CERS3: variants seen among roughly 807,000 people sequenced by gnomAD.
The protein encoded by CERS3 is ceramide synthase 3.
Under a neutral mutation model 50.3 loss-of-function variants are expected in CERS3, and 33 were observed. That is an observed-to-expected ratio of 0.66 (90% confidence interval 0.50 to 0.88). The LOEUF is 0.88. Ranked by LOEUF, CERS3 falls within the 40% of genes least tolerant of loss-of-function variation. The pLI, the probability that CERS3 is intolerant of heterozygous loss-of-function variation, is 0.00. For synonymous variants in CERS3, 176 were observed against 155.2 expected, an observed-to-expected ratio of 1.13 and a Z score of -0.99; for missense variants, 470 against 460.3, an observed-to-expected ratio of 1.02 and a Z score of -0.19.
chr15:100,411,050 T>C (rs1265420901), intron 11 of CERS3, among the ~76,000 whole-genome samples: 1 of 152,238 alleles, frequency 6.6e-6, no homozygotes, highest in Non-Finnish European at 1.5e-5. Flanking sequence ...GTACCTCATA[T>C]AAGTGGAATC....
rs529842880 is a variant in CERS3, at chr15:100,402,140, C to G, written c.*573G>C. 1 of 152,590 alleles carries G rather than the reference C, an allele frequency of 6.6e-6. No individual in the cohort carries two copies. The highest frequency in any genetic ancestry group is 2.4e-5 in the African/African-American group (1 of 41,450). 9.5% of individuals were successfully genotyped at this position (152,590 alleles called of 1,614,324 possible). ...CCACGGTTGACAGTGTGTACTTAAA[C>G]TTCTGTGATCTCACTTAATCCTTGC... On this transcript the variant is annotated 3_prime_UTR_variant, in exon 12 of 12. Coordinates refer to ENST00000679737, the MANE Select transcript of CERS3 (RefSeq NM_001378789.1).
chr15:100,478,583 G>T (rs1358185404), intron 7 of CERS3, among the ~76,000 whole-genome samples: 2 of 152,120 alleles, frequency 1.3e-5, no homozygotes, highest in East Asian at 3.8e-4. Context: ...AAGGCATTAT[G>T]TTCAAAGAAG....
intron 11 of CERS3, among the ~76,000 whole-genome samples, chr15:100,410,085 A>G (rs1431213864): frequency 6.6e-6 from 1 of 152,172 alleles, no homozygotes; most frequent in African/African-American, 2.4e-5. Flanking sequence ...ACTTTCTCCA[A>G]AAACAACCTG....
At chr15:100,461,067 G>A (rs1469563964) in intron 10 of CERS3, among the ~76,000 whole-genome samples, 1 of 152,174 alleles carries the variant, frequency 6.6e-6, no homozygotes, top group Non-Finnish European at 1.5e-5. Flanking sequence ...GGCCTTGCAA[G>A]TCAGGGTGGA....
At chr15:100,405,901 A>G (rs2030989944) in intron 11 of CERS3, among the ~76,000 whole-genome samples, 1 of 152,282 alleles carries the variant, frequency 6.6e-6, no homozygotes, top group South Asian at 2.1e-4. Context: ...ACACTTGCAA[A>G]GTAAAGTACT....
chr15:100,458,530 G>C (rs191458521), intron 10 of CERS3, among the ~76,000 whole-genome samples: 1 of 150,582 alleles, frequency 6.6e-6, no homozygotes, highest in Non-Finnish European at 1.5e-5. Flanking sequence ...AGCGTGCAGT[G>C]AGCCGACATC....
Position 100,498,088 on chromosome 15 carries a change from G to A in CERS3, c.173+3589C>T, listed in dbSNP as rs142642859. On this transcript the variant is annotated intron_variant, in intron 3 of 11. Transcript: ENST00000679737. ...TTTTTGTATTTTTAGTACAGACGGG[G>A]TTTCACTATGTTGGCCAGGATGGTC... 5.9e-5 allele frequency among the ~76,000 whole-genome samples: 9 copies of A among 152,030 alleles called. No homozygotes were observed. The East Asian group carries it at 1.5e-3, about 26-fold the overall frequency.
chr15:100,406,527 G>A (rs2031039357), intron 11 of CERS3, among the ~76,000 whole-genome samples: 1 of 152,088 alleles, frequency 6.6e-6, no homozygotes, highest in Admixed American at 6.5e-5. Context: ...TGTATGTTCG[G>A]TGCTTTTCCA....
chr15:100,421,909 C>T (rs1160497888), intron 11 of CERS3, among the ~76,000 whole-genome samples: 1 of 44,550 alleles, frequency 2.2e-5, no homozygotes, highest in African/African-American at 5.9e-5. Context: ...GGATCCCTTC[C>T]TTACACCTTA....
intron 10 of CERS3, among the ~76,000 whole-genome samples, chr15:100,468,471 C>A (rs2034857789): frequency 6.6e-6 from 1 of 152,174 alleles, no homozygotes; most frequent in South Asian, 2.1e-4. Flanking sequence ...AGGGCATTGA[C>A]CTCTCTGGCT....
intron 1 of CERS3, 116 bp from the exon 2 acceptor site, chr15:100,521,872 G>C (rs530104431): frequency 1.3e-5 from 2 of 152,172 alleles, no homozygotes; most frequent in African/African-American, 4.8e-5. Context: ...GGGAGAGCTT[G>C]GTGCTGGCAA....
intron 5 of CERS3, among the ~76,000 whole-genome samples, chr15:100,483,940 C>G (rs1426357335): frequency 6.6e-6 from 1 of 151,252 alleles, no homozygotes; most frequent in Non-Finnish European, 1.5e-5. Flanking sequence ...GCCACCACGC[C>G]CAGCTAATTT....
intron 10 of CERS3, among the ~76,000 whole-genome samples, chr15:100,465,482 GT>G (rs35678733): frequency 0.5 from 76,416 of 151,840 alleles, 19,753 homozygotes; most frequent in Middle Eastern, 0.58. Context: ...GCAGTACACT[GT>G]ACCTGAAAGA....
chr15:100,526,666 C>T (rs2036804269), intron 1 of CERS3, among the ~76,000 whole-genome samples: 1 of 152,018 alleles, frequency 6.6e-6, no homozygotes, highest in Non-Finnish European at 1.5e-5. Flanking sequence ...TGGATCAGCT[C>T]CACAAAGAAA....
chr15:100,448,831 GGCCAAAGTGCAA>G (rs2034044843), intron 11 of CERS3, among the ~76,000 whole-genome samples: 7 of 152,152 alleles, frequency 4.6e-5, no homozygotes, highest in Admixed American at 4.6e-4. Flanking sequence ...CCACTACCAG[GGCCAAAGTGCAA>G]GCCACTGGCA....
chr15:100,483,863 C>T (rs2035402805), intron 5 of CERS3, among the ~76,000 whole-genome samples: 1 of 144,598 alleles, frequency 6.9e-6, no homozygotes, highest in African/African-American at 2.6e-5. Flanking sequence ...TCACTGCAAG[C>T]TCCGCCTCCC....
At chr15:100,514,395 A>G (rs888083319) in intron 2 of CERS3, among the ~76,000 whole-genome samples, 3 of 152,212 alleles carry the variant, frequency 2.0e-5, no homozygotes, top group Admixed American at 6.5e-5. Context: ...TACTACATGC[A>G]TCTGTTACTG....
intron 2 of CERS3, among the ~76,000 whole-genome samples, chr15:100,514,434 G>C (rs2036436328): frequency 6.6e-6 from 1 of 152,072 alleles, no homozygotes; most frequent in Non-Finnish European, 1.5e-5. Flanking sequence ...CTATCCTTTT[G>C]GAAACTAGAT....
chr15:100,473,843 C>A (rs78538335), intron 8 of CERS3, among the ~76,000 whole-genome samples: 1,577 of 152,266 alleles, frequency 0.01, 26 homozygotes, highest in African/African-American at 0.036. Flanking sequence ...TATGAATCCA[C>A]AGCATTACTC....
Sources: gnomAD v4.1 joint callset for allele counts (sites outside exome capture counted in the v4.1 genomes callset) on GRCh38, gnomAD v4.1.1 for gene constraint, MANE v1.5 for transcripts, NCBI Gene and HGNC (gene_info 2026-07-23, HGNC 2026-07-21) for gene names.